PDE1A: variants seen among roughly 807,000 people sequenced by gnomAD.
The protein encoded by PDE1A is dual specificity calcium/calmodulin-dependent 3',5'-cyclic nucleotide phosphodiesterase 1A.
A neutral mutation model predicts 61.7 loss-of-function variants in PDE1A; 35 were observed. That is an observed-to-expected ratio of 0.57 (90% CI 0.43 to 0.75). The LOEUF (loss-of-function observed/expected upper bound fraction) is 0.75, where lower values mean the gene tolerates loss of function less well. PDE1A is among the 30% of genes least tolerant of loss of function. The pLI is 0.00. For missense variants in PDE1A, 597 were observed against 630.6 expected (o/e 0.95, Z 0.57); for synonymous variants, 232 against 213.2 (o/e 1.09, Z -0.77).
intron 1 of PDE1A, among the ~76,000 whole-genome samples, chr2:182,346,942 T>C (rs747016795): frequency 9.2e-5 from 14 of 152,216 alleles, no homozygotes; most frequent in Admixed American, 5.9e-4. Context: ...TTACTTGTCC[T>C]TCATAGAAGC....
chr2:182,541,375 A>C, the PDE1A span, among the ~76,000 whole-genome samples: 1 of 152,210 alleles, frequency 6.6e-6, no homozygotes, highest in Non-Finnish European at 1.5e-5. Context: ...ACAGAGATTA[A>C]GATAAGCTTA....
chr2:182,630,128 AT>A, the PDE1A span, among the ~76,000 whole-genome samples: 22 of 151,786 alleles, frequency 1.4e-4, no homozygotes, highest in Non-Finnish European at 1.9e-4. Context: ...GCATTCAAAC[AT>A]TTTTTTTCCA....
At chr2:182,661,662 C>A in the PDE1A span, among the ~76,000 whole-genome samples, 16 of 152,138 alleles carry the variant, frequency 1.1e-4, no homozygotes, top group African/African-American at 3.6e-4. Context: ...TGACCACCTA[C>A]AAAATAATCC....
At chr2:182,666,438 T>G in the PDE1A span, among the ~76,000 whole-genome samples, 1 of 151,736 alleles carries the variant, frequency 6.6e-6, no homozygotes, top group Non-Finnish European at 1.5e-5. Context: ...ACCAACATGG[T>G]GAAACCCCAT....
intron 11 of PDE1A, among the ~76,000 whole-genome samples, chr2:182,187,017 A>G (rs1291126664): frequency 6.6e-6 from 1 of 152,242 alleles, no homozygotes; most frequent in Non-Finnish European, 1.5e-5. Flanking sequence ...TCTAAGCTCC[A>G]AAGAAATTAA....
At chr2:182,658,965 T>G in the PDE1A span, among the ~76,000 whole-genome samples, 7 of 152,170 alleles carry the variant, frequency 4.6e-5, no homozygotes, top group Non-Finnish European at 1.0e-4. Flanking sequence ...ATCATACTAT[T>G]GACAGGGACT....
chr2:182,524,606 T>G (rs936611159), upstream of PDE1A, among the ~76,000 whole-genome samples: 17 of 152,048 alleles, frequency 1.1e-4, no homozygotes, highest in African/African-American at 3.6e-4. Context: ...AAAATAAAAT[T>G]TTGAATAATA....
intron 13 of PDE1A, among the ~76,000 whole-genome samples, chr2:182,179,118 T>C (rs777820039): frequency 6.6e-6 from 1 of 152,156 alleles, no homozygotes; most frequent in Admixed American, 6.6e-5. Context: ...ACAGGTAGCA[T>C]GAGGACATAG....
intron 13 of PDE1A, among the ~76,000 whole-genome samples, chr2:182,160,831 C>T (rs1384922700): frequency 6.6e-6 from 1 of 152,170 alleles, no homozygotes; most frequent in Non-Finnish European, 1.5e-5. Flanking sequence ...CTAATACAGA[C>T]ACTGATGCCA....
intron 10 of PDE1A, among the ~76,000 whole-genome samples, chr2:182,193,778 C>T (rs989188997): frequency 1.3e-5 from 2 of 152,040 alleles, no homozygotes; most frequent in Non-Finnish European, 2.9e-5. Flanking sequence ...CTGGTGTAAT[C>T]GGTGTTTATA....
chr2:182,229,485 G>A (rs1314414716), intron 6 of PDE1A, among the ~76,000 whole-genome samples: 1 of 152,090 alleles, frequency 6.6e-6, no homozygotes, highest in Non-Finnish European at 1.5e-5. Context: ...TTGCATCACT[G>A]AATCGTTTAG....
chr2:182,342,275 G>A (rs1698235445), intron 1 of PDE1A, among the ~76,000 whole-genome samples: 2 of 152,012 alleles, frequency 1.3e-5, no homozygotes, highest in Admixed American at 1.3e-4. Flanking sequence ...AGTATTTTTT[G>A]TTTCTTAAAT....
chr2:182,366,660 G>A (rs1699855503), intron 1 of PDE1A, among the ~76,000 whole-genome samples: 1 of 151,994 alleles, frequency 6.6e-6, no homozygotes, highest in African/African-American at 2.4e-5. Flanking sequence ...TGAGAAGCCA[G>A]ACTGTTTATG....
chr2:182,537,837 G>A, the PDE1A span, among the ~76,000 whole-genome samples: 1 of 152,024 alleles, frequency 6.6e-6, no homozygotes, highest in African/African-American at 2.4e-5. Flanking sequence ...GATGGGAGAA[G>A]TCATGTCATA....
the PDE1A span, among the ~76,000 whole-genome samples, chr2:182,663,426 A>G: frequency 1.7e-4 from 26 of 152,330 alleles, no homozygotes; most frequent in Non-Finnish European, 3.1e-4. Flanking sequence ...AACAACCTTA[A>G]TGCCTATCTA....
At chr2:182,621,373 C>T in the PDE1A span, among the ~76,000 whole-genome samples, 2 of 152,130 alleles carry the variant, frequency 1.3e-5, no homozygotes, top group Non-Finnish European at 2.9e-5. Context: ...AATGTTTTTG[C>T]TTCAAAGAGC....
chr2:182,610,880 T>C, the PDE1A span, among the ~76,000 whole-genome samples: 7 of 152,228 alleles, frequency 4.6e-5, no homozygotes, highest in African/African-American at 1.4e-4. Flanking sequence ...ATTATTGCTG[T>C]AAACTTTAAG....
chr2:182,627,116 A>G, the PDE1A span, among the ~76,000 whole-genome samples: 22 of 52,574 alleles, frequency 4.2e-4, 2 homozygotes, highest in East Asian at 1.1e-3. Context: ...AAATATAAAT[A>G]ATATATTATG....
At position 182,301,924 on chromosome 2, in the gene PDE1A, G is replaced by A. The variant is rs890398011; in HGVS notation, c.54-37510C>T. On this transcript the variant is annotated intron_variant, in intron 1 of 13. Transcript: ENST00000351439. ...AGAGGAATCTAGAATGAGTGATAGA[G>A]GAGGGGCATGATGATTATTAATTAT... Among the ~76,000 whole-genome samples the A allele has an allele frequency of 4.6e-5, 7 of 152,172 alleles. No individual in the cohort carries two copies. The East Asian group carries it at 1.2e-3, about 25-fold the overall frequency.
Sources: allele counts gnomAD v4.1 joint callset (sites outside exome capture counted in the v4.1 genomes callset), GRCh38; gene constraint gnomAD v4.1.1; transcripts MANE v1.5; gene names NCBI Gene and HGNC (gene_info 2026-07-23, HGNC 2026-07-21).